The following USP6 variants were observed in gnomAD, a reference collection of about 807,000 sequenced individuals.
The protein encoded by USP6 is ubiquitin carboxyl-terminal hydrolase 6.
USP6 carries 128 observed loss-of-function variants against 175.7 expected under a neutral mutation model. The observed-to-expected ratio is 0.73, with a 90% confidence interval of 0.63 to 0.84. The LOEUF (loss-of-function observed/expected upper bound fraction) is 0.84, where lower values mean the gene tolerates loss of function less well. USP6 is among the 40% of genes least tolerant of loss of function. The pLI is 0.00. For synonymous variants in USP6, 562 were observed against 630.6 expected (o/e 0.89, Z 1.63); for missense variants, 1,498 against 1,760.3 (o/e 0.85, Z 2.67).
chr17:5,157,376 G>A (rs1390595814), intron 31 of USP6, among the ~76,000 whole-genome samples: 13 of 152,274 alleles, frequency 8.5e-5, no homozygotes, highest in African/African-American at 3.1e-4. Flanking sequence ...ATGAGCCATC[G>A]CGCCCAGCCA....
In USP6 at chr17:5,174,756, C is replaced by T. The variant is rs988121262; in HGVS notation, c.*1778C>T. The T allele has an allele frequency of 4.0e-5, 8 of 199,678 alleles. No homozygotes were observed. Among genetic ancestry groups the T allele is most frequent in the East Asian group, 1.6e-4 (2 of 12,802 alleles). 12.4% of individuals were successfully genotyped at this position (199,678 alleles called of 1,614,324 possible). A position where few individuals can be genotyped will look rare whatever the true frequency, so the allele number is the denominator to read the frequency against. On this transcript the variant is annotated 3_prime_UTR_variant, in exon 38 of 38. Coordinates refer to ENST00000574788, the MANE Select transcript of USP6 (RefSeq NM_001304284.2). Reference sequence around the variant, plus strand: ...TTAATTTTTTTAATTCATGAACTAGCGGAAAATTTATTAAATTAACTATTA... The same window carrying T: ...TTAATTTTTTTAATTCATGAACTAGTGGAAAATTTATTAAATTAACTATTA...
intron 1 of USP6, among the ~76,000 whole-genome samples, chr17:5,117,537 A>G (rs1267129806): frequency 6.6e-6 from 1 of 151,536 alleles, no homozygotes; most frequent in African/African-American, 2.4e-5. Context: ...AAAAAAGCTC[A>G]ATAAATATTT....
chr17:5,124,364 G>A (rs989545346), intron 4 of USP6, among the ~76,000 whole-genome samples: 10 of 152,278 alleles, frequency 6.6e-5, no homozygotes, highest in South Asian at 6.2e-4. Context: ...AAATCCCAGA[G>A]GGCCCAGCCC....
At chr17:5,141,617 C>G in intron 23 of USP6, 118 bp downstream of exon 23, 1 of 862,262 alleles carries the variant, frequency 1.2e-6, no homozygotes, top group Non-Finnish European at 1.7e-6. Flanking sequence ...TAGGGCCCTT[C>G]TTTTTCTTTT....
rs907850521 is a variant in USP6, at chr17:5,134,687, C to T, written c.495-547C>T. The T allele has an allele frequency of 3.3e-5, 6 of 182,830 alleles. No homozygotes were observed. In the East Asian group the frequency reaches 7.9e-4, roughly 24 times the overall value. 11.3% of individuals were successfully genotyped at this position (182,830 alleles called of 1,614,324 possible). A position where few individuals can be genotyped will look rare whatever the true frequency, so the allele number is the denominator to read the frequency against. On this transcript the variant is annotated intron_variant, in intron 15 of 37. Coordinates refer to ENST00000574788, the MANE Select transcript of USP6 (RefSeq NM_001304284.2). The stretch of plus-strand genomic sequence containing the variant: ...AGGGAACGAGCCAGTGATGCCTGCA[C>T]GAACGTGGGTGGATCCTAGATGCAT...
chr17:5,133,946 G>A lies in USP6; in HGVS notation c.444G>A (p.Val148=), dbSNP rs117611547. The A allele has an allele frequency of 1.9e-6, 3 of 1,614,150 alleles. No homozygotes were observed. The highest frequency in any genetic ancestry group is 2.5e-6 in the Non-Finnish European group (3 of 1,180,026). The change falls in exon 15 of 38, where the codon GTG becomes GTA. Residue 148 remains valine (V), a synonymous_variant. Transcript: ENST00000574788. ...ACATCCACCACATCGACCTGGACGT[G>A]AGGACGACTCTCCGGAACCATGTCT... ...SEHIHHIDLD[V]RTTLRNHVFF...
At chr17:5,166,821 T>G (rs1192093502) in intron 33 of USP6, among the ~76,000 whole-genome samples, 2 of 151,938 alleles carry the variant, frequency 1.3e-5, no homozygotes, top group African/African-American at 4.8e-5. Context: ...TCTCTCCTTC[T>G]TCATTCTACA....
chr17:5,127,388 A>G (rs1197774442), intron 6 of USP6, 116 bp from the exon 7 acceptor site: 5 of 152,180 alleles, frequency 3.3e-5, no homozygotes, highest in Non-Finnish European at 7.3e-5. Flanking sequence ...GCTGCCTAAT[A>G]TGCTTTCTGG....
At chr17:5,120,601 G>A (rs1487951177) in intron 2 of USP6, 26 bp from the exon 3 acceptor site, 4 of 365,036 alleles carry the variant, frequency 1.1e-5, no homozygotes, top group Non-Finnish European at 2.1e-5. Flanking sequence ...GGCCTTGGGT[G>A]AGCTCCTGCT....
chr17:5,147,671 C>T (rs1485425856), intron 29 of USP6, among the ~76,000 whole-genome samples: 1 of 152,164 alleles, frequency 6.6e-6, no homozygotes, highest in South Asian at 2.1e-4. Context: ...CCTTCATTGA[C>T]GTGTAGTAGG....
At position 5,142,481 on chromosome 17, in the gene USP6, T is replaced by A; in HGVS notation, c.1797T>A (p.Ser599Arg). The A allele has an allele frequency of 6.2e-7, 1 of 1,613,454 alleles. No individual in the cohort carries two copies. Among genetic ancestry groups the A allele is most frequent in the Non-Finnish European group, 8.5e-7 (1 of 1,179,604 alleles). ...VQELWSGTQK[S>R]VAPLKLRRTI... Reference sequence around the variant, plus strand: ...AACTCTGGAGTGGAACTCAGAAGAGTGTTGCCCCATTAAAGCTTCGGGTAA... The same window carrying A: ...AACTCTGGAGTGGAACTCAGAAGAGAGTTGCCCCATTAAAGCTTCGGGTAA... Residue 599 changes from serine to arginine, a missense_variant, in exon 25 of 38, where the codon AGT (serine) becomes AGA (arginine). Ser to Arg is a moderately radical substitution (Grantham distance 110, BLOSUM62 -1). Coordinates refer to ENST00000574788, the MANE Select transcript of USP6 (RefSeq NM_001304284.2).
At chr17:5,148,359 T>C (rs1254528239) in intron 29 of USP6, among the ~76,000 whole-genome samples, 197 bp from the exon 30 acceptor site, 1 of 152,226 alleles carries the variant, frequency 6.6e-6, no homozygotes, top group Non-Finnish European at 1.5e-5. Flanking sequence ...TTCCTTTTCA[T>C]TTGGTCAAAA....
At chr17:5,168,181 T>C in intron 34 of USP6, 58 bp downstream of exon 34, 1 of 1,497,608 alleles carries the variant, frequency 6.7e-7, no homozygotes, top group Non-Finnish European at 8.9e-7. Context: ...AAAGAAGACA[T>C]GAACAAACAG....
chr17:5,142,048 C>A lies in USP6; in HGVS notation c.1619C>A (p.Thr540Lys), dbSNP rs767314669. Residue 540 changes from threonine to lysine, a missense_variant, in exon 24 of 38, where the codon ACA becomes AAA. Coordinates refer to ENST00000574788, the MANE Select transcript of USP6 (RefSeq NM_001304284.2). Reference protein sequence around the residue: ...GATGLSNLGNTCFMNSSIQCV... With the variant: ...GATGLSNLGNKCFMNSSIQCV... ...ACAGGTCTAAGCAACCTGGGAAACA[C>A]ATGCTTCATGAACTCAAGCATCCAG... 1.2e-5 allele frequency: 20 copies of A among 1,613,912 alleles called. No individual in the cohort carries two copies. The East Asian group carries it at 4.5e-4, about 36-fold the overall frequency.
chr17:5,130,334 A>G (rs369370467), intron 9 of USP6, 33 bp from the exon 10 acceptor site: 1 of 1,611,034 alleles, frequency 6.2e-7, no homozygotes, highest in Non-Finnish European at 8.5e-7. Flanking sequence ...GCTGTCGGGT[A>G]CAGTGTAACC....
intron 2 of USP6, among the ~76,000 whole-genome samples, chr17:5,119,913 G>C (rs1432475973): frequency 6.6e-6 from 1 of 152,108 alleles, no homozygotes; most frequent in East Asian, 1.9e-4. Flanking sequence ...CTTCAGGTCT[G>C]TCGGACTTGT....
intron 4 of USP6, among the ~76,000 whole-genome samples, chr17:5,124,015 A>T (rs560524319): frequency 6.6e-6 from 1 of 152,294 alleles, no homozygotes; most frequent in African/African-American, 2.4e-5. Flanking sequence ...ACACGCACCC[A>T]TAGAAGTAAT....
intron 31 of USP6, 63 bp downstream of exon 31, chr17:5,155,669 A>C: frequency 1.3e-6 from 2 of 1,535,280 alleles, no homozygotes; most frequent in Non-Finnish European, 1.8e-6. Flanking sequence ...ATTTATATGA[A>C]TTCTACATGA....
rs2074133181 is a variant in USP6 at position 5,168,078 on chromosome 17, C to T, written c.3183C>T (p.Cys1061=). 1 of 1,611,476 alleles carries T rather than the reference C, an allele frequency of 6.2e-7. No individual in the cohort carries two copies. The highest frequency in any genetic ancestry group is 1.1e-5 in the South Asian group (1 of 90,948). The change falls in exon 34 of 38, where the codon TGC becomes TGT. Residue 1061 remains cysteine (C), a synonymous_variant. Transcript: ENST00000574788. ...ACTGTTCCAAGTGTAAGACCCACTG[C>T]TTAGCAACAAAGAAGCTGGATCTCT... ...MYYCSKCKTH[C]LATKKLDLWR...
Sources: allele counts gnomAD v4.1 joint callset (sites outside exome capture counted in the v4.1 genomes callset), GRCh38; gene constraint gnomAD v4.1.1; transcripts MANE v1.5; gene names NCBI Gene and HGNC (gene_info 2026-07-23, HGNC 2026-07-21).